The following XRN2 variants were observed in gnomAD, a reference collection of about 807,000 sequenced individuals.
XRN2 encodes DHM1-like protein.
A neutral mutation model predicts 138.5 loss-of-function variants in XRN2; 44 were observed. The ratio of observed to expected loss-of-function variants is 0.32; its 90% CI spans 0.25 to 0.41. XRN2 has a LOEUF of 0.41. XRN2 is among the 10% of genes least tolerant of loss of function. The pLI, the probability that XRN2 is intolerant of heterozygous loss-of-function variation, is 1.00. For synonymous variants in XRN2, 354 were observed against 369.4 expected, an observed-to-expected ratio of 0.96 and a Z score of 0.48; for missense variants, 937 against 1,169.3, an observed-to-expected ratio of 0.80 and a Z score of 2.90.
At chr20:21,327,804 A>G (rs1176711514) in intron 3 of XRN2, among the ~76,000 whole-genome samples, 1 of 152,194 alleles carries the variant, frequency 6.6e-6, no homozygotes, top group Non-Finnish European at 1.5e-5. Context: ...GGAATTGTTT[A>G]AAGAGAATAT....
chr20:21,332,261 T>C (rs1163065927), intron 8 of XRN2, 22 bp from the exon 9 acceptor site: 6 of 1,603,770 alleles, frequency 3.7e-6, no homozygotes, highest in Non-Finnish European at 5.1e-6. Flanking sequence ...TGTTCGATGT[T>C]TTTCTCATTG....
At chr20:21,324,117 A>G (rs1455585046) in intron 1 of XRN2, among the ~76,000 whole-genome samples, 1 of 151,976 alleles carries the variant, frequency 6.6e-6, no homozygotes, top group African/African-American at 2.4e-5. Flanking sequence ...GGGGTCATCA[A>G]ATTATCTTTT....
chr20:21,356,120 G>A lies in XRN2; in HGVS notation c.2061G>A (p.Gly687=). ...NSLGGDVLFV[G]KHHPLHDFIL... Reference sequence around the variant, plus strand: ...TTGGAGGTGATGTCTTATTTGTGGGGAAACATCACCCACTCCATGACTTCA... The same window carrying A: ...TTGGAGGTGATGTCTTATTTGTGGGAAAACATCACCCACTCCATGACTTCA... Residue 687 remains glycine, a synonymous_variant, in exon 22 of 30, where the codon GGG becomes GGA. Transcript: ENST00000377191. The A allele has an allele frequency of 6.2e-7, 1 of 1,612,656 alleles. No individual in the cohort carries two copies. Among genetic ancestry groups the A allele is most frequent in the Non-Finnish European group, 8.5e-7 (1 of 1,179,166 alleles).
At position 21,366,283 on chromosome 20, in the gene XRN2, C is replaced by T. The variant is rs557509933; in HGVS notation, c.2456+579C>T. ...TGGGTTTGGGCCGGGCACGGTGGCT[C>T]GCTCCTGTAATCCCAGCACTTTGGG... On this transcript the variant is annotated intron_variant, in intron 26 of 29. Coordinates refer to ENST00000377191, the MANE Select transcript of XRN2 (RefSeq NM_012255.5). 6.3e-5 allele frequency among the ~76,000 whole-genome samples: 9 copies of T among 143,682 alleles called. No individual in the cohort carries two copies. The South Asian group carries it at 1.1e-3, about 17-fold the overall frequency. The allele number at this position is 143,682 out of a possible 152,430, so 94.3% of individuals were successfully genotyped here.
At chr20:21,362,119 G>C (rs954179558) in intron 24 of XRN2, among the ~76,000 whole-genome samples, 2 of 137,218 alleles carry the variant, frequency 1.5e-5, no homozygotes, top group African/African-American at 2.7e-5. Flanking sequence ...ATGTGGTTCT[G>C]AGGGGAAGTA....
At chr20:21,325,945 C>T (rs898332100) in intron 1 of XRN2, among the ~76,000 whole-genome samples, 5 of 152,068 alleles carry the variant, frequency 3.3e-5, no homozygotes, top group Non-Finnish European at 7.4e-5. Flanking sequence ...GCATTTTTTA[C>T]GTTACTTTGA....
At chr20:21,346,666 C>CG in intron 17 of XRN2, 116 bp downstream of exon 17, 2 of 1,311,904 alleles carry the variant, frequency 1.5e-6, no homozygotes, top group Non-Finnish European at 2.1e-6. Context: ...GTCACCTGGG[C>CG]GGGAGGGCAA....
chr20:21,311,475 C>T (rs543878407), intron 1 of XRN2, among the ~76,000 whole-genome samples: 81 of 152,268 alleles, frequency 5.3e-4, no homozygotes, highest in African/African-American at 1.9e-3. Context: ...ACACTCTGGA[C>T]ACTTTGGCTG....
intron 20 of XRN2, among the ~76,000 whole-genome samples, chr20:21,350,313 T>C (rs1382685583): frequency 6.6e-6 from 1 of 151,672 alleles, no homozygotes; most frequent in Non-Finnish European, 1.5e-5. Context: ...GATCACGAGG[T>C]CAGGAGATCG....
intron 9 of XRN2, among the ~76,000 whole-genome samples, chr20:21,332,643 C>A (rs1600686751): frequency 1.3e-5 from 2 of 152,006 alleles, no homozygotes; most frequent in East Asian, 3.9e-4. Flanking sequence ...TACCGTTACC[C>A]TTCACAGAGA....
chr20:21,323,276 G>A (rs918839085), intron 1 of XRN2, among the ~76,000 whole-genome samples: 4 of 152,280 alleles, frequency 2.6e-5, no homozygotes, highest in East Asian at 1.9e-4. Flanking sequence ...GTTTTCCGCC[G>A]TAGTTATACA....
intron 1 of XRN2, among the ~76,000 whole-genome samples, chr20:21,304,257 C>T (rs1396240320): frequency 1.3e-5 from 2 of 151,500 alleles, no homozygotes; most frequent in African/African-American, 4.9e-5. Flanking sequence ...ATTAGAATTT[C>T]TGGATTGGAA....
At chr20:21,330,090 C>T (rs2038185573) in intron 4 of XRN2, among the ~76,000 whole-genome samples, 1 of 152,114 alleles carries the variant, frequency 6.6e-6, no homozygotes, top group Admixed American at 6.5e-5. Context: ...CAAGACCAGC[C>T]TGGCCAACAC....
intron 1 of XRN2, among the ~76,000 whole-genome samples, chr20:21,314,941 G>A (rs1347215232): frequency 6.6e-6 from 1 of 152,178 alleles, no homozygotes; most frequent in East Asian, 1.9e-4. Flanking sequence ...GGTCCCCCAT[G>A]GCTCAGGAAA....
At chr20:21,304,755 G>A (rs1413008229) in intron 1 of XRN2, among the ~76,000 whole-genome samples, 1 of 152,090 alleles carries the variant, frequency 6.6e-6, no homozygotes, top group African/African-American at 2.4e-5. Flanking sequence ...TAAGTAATTT[G>A]CCTTTTTCAT....
At chr20:21,331,399 T>TCTCA (rs1318363372) in intron 6 of XRN2, among the ~76,000 whole-genome samples, 162 bp from the exon 7 acceptor site, 5 of 144,050 alleles carry the variant, frequency 3.5e-5, no homozygotes, top group African/African-American at 1.3e-4. Context: ...TTGGTGTTTT[T>TCTCA]CACACACACA....
intron 6 of XRN2, 120 bp downstream of exon 6, chr20:21,330,825 A>G: frequency 1.1e-6 from 1 of 944,778 alleles, no homozygotes; most frequent in Non-Finnish European, 1.5e-6. Flanking sequence ...TGACTGTTGG[A>G]AGAAAGAAAA....
chr20:21,332,183 C>T (rs868716171), intron 8 of XRN2, 100 bp from the exon 9 acceptor site: 4 of 1,416,160 alleles, frequency 2.8e-6, no homozygotes, highest in Admixed American at 2.4e-5. Context: ...TTTGGGTGCT[C>T]ATTTGGGCTT....
intron 26 of XRN2, among the ~76,000 whole-genome samples, chr20:21,367,113 C>G (rs2038713534): frequency 6.6e-6 from 1 of 152,104 alleles, no homozygotes; most frequent in Non-Finnish European, 1.5e-5. Flanking sequence ...ATTGGCATTT[C>G]CCTGCCTACT....
Sources: gnomAD v4.1 joint callset for allele counts (sites outside exome capture counted in the v4.1 genomes callset) on GRCh38, gnomAD v4.1.1 for gene constraint, MANE v1.5 for transcripts, NCBI Gene and HGNC (gene_info 2026-07-23, HGNC 2026-07-21) for gene names.